The following DIS3L2 variants were observed in gnomAD, a reference collection of about 807,000 sequenced individuals.
DIS3L2 encodes DIS3 like 3'-5' exoribonuclease 2, also known as DIS3-like exonuclease 2.
Under a neutral mutation model 97.5 loss-of-function variants are expected in DIS3L2, and 34 were observed. The observed-to-expected ratio is 0.35, with a 90% CI of 0.27 to 0.46. The LOEUF (loss-of-function observed/expected upper bound fraction) is 0.46, where lower values mean the gene tolerates loss of function less well. Among genes scored for constraint, DIS3L2 ranks in the 20% least tolerant of loss-of-function variants. The probability of loss-of-function intolerance (pLI) is 1.00; values close to 1 mark genes in which losing one functional copy is unlikely to be tolerated. For synonymous variants in DIS3L2, 435 were observed against 445.2 expected, an observed-to-expected ratio of 0.98 and a Z score of 0.29; for missense variants, 1,038 against 1,146.0, an observed-to-expected ratio of 0.91 and a Z score of 1.36.
At chr2:232,235,090 T>C (rs764350055) in intron 10 of DIS3L2, among the ~76,000 whole-genome samples, 25 of 152,066 alleles carry the variant, frequency 1.6e-4, no homozygotes, top group Admixed American at 3.9e-4. Flanking sequence ...TTCAAAGGAG[T>C]GTTTGTACTC....
chr2:232,022,466 C>G (rs745982938), intron 3 of DIS3L2, among the ~76,000 whole-genome samples: 8 of 152,118 alleles, frequency 5.3e-5, no homozygotes, highest in Non-Finnish European at 7.3e-5. Flanking sequence ...CCTGGCCTGT[C>G]TGAGTGCCCT....
intron 1 of DIS3L2, among the ~76,000 whole-genome samples, chr2:231,973,929 G>A (rs1007954914): frequency 6.6e-6 from 1 of 152,142 alleles, no homozygotes; most frequent in African/African-American, 2.4e-5. Flanking sequence ...CCTAAGGGAT[G>A]TATGAGCTGG....
At chr2:232,015,799 G>A in intron 3 of DIS3L2, 128 bp downstream of exon 3, 1 of 1,053,744 alleles carries the variant, frequency 9.5e-7, no homozygotes, top group Non-Finnish European at 1.4e-6. Context: ...GGGCTGTTAT[G>A]ATGGCATAAC....
At chr2:232,200,854 A>G (rs1007658690) in intron 9 of DIS3L2, among the ~76,000 whole-genome samples, 1 of 150,004 alleles carries the variant, frequency 6.7e-6, no homozygotes, top group African/African-American at 2.4e-5. Flanking sequence ...CACGATCTCA[A>G]CTCACTGCAA....
Position 232,269,754 on chromosome 2 carries a change from CAGAG to C in DIS3L2, c.1659+6323_1659+6326del, listed in dbSNP as rs10685309. ...GTTCCAGGGTGTGTGGTGTAGGGTG[CAGAG>C]AGAGAGAGGAGCTAGAGGAGACACA... On this transcript the variant is annotated intron_variant, in intron 13 of 20. Coordinates refer to ENST00000325385, the MANE Select transcript of DIS3L2 (RefSeq NM_152383.5). This position sits in a 1 kb window ranked among gnomAD's most constrained non-coding sequence, Gnocchi z 4.5. Among the ~76,000 whole-genome samples the C allele has an allele frequency of 2.0e-5, 3 of 150,836 alleles. No homozygotes were observed. The highest frequency in any genetic ancestry group is 4.4e-5 in the Non-Finnish European group (3 of 67,738).
chr2:232,318,879 A>G (rs1695350403), intron 14 of DIS3L2, among the ~76,000 whole-genome samples: 1 of 152,214 alleles, frequency 6.6e-6, no homozygotes, highest in African/African-American at 2.4e-5. Context: ...CATGGATAGA[A>G]GGAGAATGGC....
chr2:232,162,337 TG>T (rs989041292), intron 8 of DIS3L2, among the ~76,000 whole-genome samples: 2 of 152,204 alleles, frequency 1.3e-5, no homozygotes, highest in African/African-American at 4.8e-5. Context: ...TAGACTGGGC[TG>T]GTCTCTCTTG....
In DIS3L2 at chr2:232,217,181, T is replaced by C. The variant is rs1176044849; in HGVS notation, c.1204+6776T>C. Among the ~76,000 whole-genome samples, 14 of 152,118 alleles carry C rather than the reference T, an allele frequency of 9.2e-5. 1 individual carries two copies. The highest frequency in any genetic ancestry group is 8.5e-4 in the Admixed American group (13 of 15,270). ...ATGAGACAGAGAGGCAAGACATAGT[T>C]GATGGGTCCCTGCTGATGAGGGATC... On this transcript the variant is annotated intron_variant, in intron 10 of 20. Coordinates refer to ENST00000325385, the MANE Select transcript of DIS3L2 (RefSeq NM_152383.5).
In DIS3L2 at chr2:232,336,961, T is replaced by C; in HGVS notation, c.*331T>C. ...AGCAACTCAGTGTCACAGAATAAAA[T>C]CAAGTGTGGAGTGCCATCTGGTGTG... On this transcript the variant is annotated 3_prime_UTR_variant, in exon 21 of 21. Transcript: ENST00000325385. 8.6e-7 allele frequency: 1 copy of C among 1,165,478 alleles called. No homozygotes were observed. The allele number at this position is 1,165,478 out of a possible 1,614,324, so 72.2% of individuals were successfully genotyped here.
rs772751348 is a variant in DIS3L2 at position 232,325,408 on chromosome 2, C to T, written c.1740-4405C>T. ...CACCCTTGCTGTGGGGAGTGTGTACCGTGTGCGGGGGGCTGGTGGCCTTTC... is the reference window on the plus strand; with the variant it reads ...CACCCTTGCTGTGGGGAGTGTGTACTGTGTGCGGGGGGCTGGTGGCCTTTC... On this transcript the variant is annotated intron_variant, in intron 14 of 20. Transcript: ENST00000325385. This position sits in a 1 kb window ranked among gnomAD's most constrained non-coding sequence, Gnocchi z 4.6. Among the ~76,000 whole-genome samples the T allele has an allele frequency of 5.0e-4, 76 of 152,308 alleles. 1 individual carries two copies. The highest frequency in any genetic ancestry group is 5.4e-4 in the Non-Finnish European group (37 of 68,016).
At chr2:232,207,956 T>TA (rs956045655) in intron 9 of DIS3L2, among the ~76,000 whole-genome samples, 5 of 152,148 alleles carry the variant, frequency 3.3e-5, no homozygotes, top group Non-Finnish European at 7.4e-5. Context: ...ATTTTAAAAA[T>TA]ATGAAAAAGT....
intron 5 of DIS3L2, among the ~76,000 whole-genome samples, chr2:232,074,224 A>G (rs1398815250): frequency 6.6e-6 from 1 of 152,208 alleles, no homozygotes; most frequent in African/African-American, 2.4e-5. Flanking sequence ...TTCAATTTTG[A>G]TGAAATAATT....
At chr2:232,158,649 T>A (rs551517809) in intron 8 of DIS3L2, among the ~76,000 whole-genome samples, 1 of 152,272 alleles carries the variant, frequency 6.6e-6, no homozygotes, top group South Asian at 2.1e-4. Flanking sequence ...CCCTTTGATA[T>A]CCTTTCAAGA....
chr2:232,023,752 A>T (rs1019570795), intron 3 of DIS3L2, among the ~76,000 whole-genome samples: 4 of 152,174 alleles, frequency 2.6e-5, no homozygotes, highest in African/African-American at 9.7e-5. Flanking sequence ...TTATTGACTC[A>T]TTCAGCTCTG....
chr2:232,181,447 A>G lies in DIS3L2; in HGVS notation c.1124+17815A>G, dbSNP rs932605515. ...CATTCTCCCCATCACTTTCAGAGTG[A>G]CACCAATGAGACGTAGATTTGGTCC... On this transcript the variant is annotated intron_variant, in intron 9 of 20. Coordinates refer to ENST00000325385, the MANE Select transcript of DIS3L2 (RefSeq NM_152383.5). Among the ~76,000 whole-genome samples, 3 of 152,266 alleles carry G rather than the reference A, an allele frequency of 2.0e-5. No individual in the cohort carries two copies. The South Asian group carries it at 6.2e-4, about 32-fold the overall frequency.
intron 3 of DIS3L2, chr2:232,022,994 C>T (rs1694561523): frequency 1.3e-5 from 2 of 152,094 alleles, no homozygotes; most frequent in African/African-American, 4.8e-5. Context: ...TTAGTGAGTG[C>T]CCTCTTAACC....
At position 232,024,339 on chromosome 2, in the gene DIS3L2, A is replaced by C. The variant is rs745443608; in HGVS notation, c.264+9A>C. The C allele has an allele frequency of 7.6e-6, 12 of 1,589,376 alleles. No homozygotes were observed. Among genetic ancestry groups the C allele is most frequent in the Non-Finnish European group, 1.0e-5 (12 of 1,163,822 alleles). On this transcript the variant is annotated intron_variant, in intron 4 of 20. Transcript: ENST00000325385. ...CCTTCATTCCTTCCCCGGTAAGTTC[A>C]ATAAATTTATAATAAACTTTATGTC...
At chr2:232,085,222 C>T (rs1284540061) in intron 5 of DIS3L2, among the ~76,000 whole-genome samples, 1 of 152,224 alleles carries the variant, frequency 6.6e-6, no homozygotes, top group Non-Finnish European at 1.5e-5. Context: ...CTCCATTATT[C>T]TCTCATTTAC....
chr2:232,289,658 G>C (rs914414250), intron 13 of DIS3L2, among the ~76,000 whole-genome samples: 2 of 139,414 alleles, frequency 1.4e-5, no homozygotes, highest in Admixed American at 7.1e-5. Flanking sequence ...AGGAAGGCAG[G>C]TGCTAGAGAG....
Sources: gnomAD v4.1 joint callset for allele counts (sites outside exome capture counted in the v4.1 genomes callset) on GRCh38, gnomAD v4.1.1 for gene constraint, Gnocchi (gnomAD v3.1) non-coding constraint, MANE v1.5 for transcripts, NCBI Gene and HGNC (gene_info 2026-07-23, HGNC 2026-07-21) for gene names.